The following CEP290 variants were observed in gnomAD, a reference collection of about 807,000 sequenced individuals.
The protein encoded by CEP290 is centrosomal protein of 290 kDa.
Under a neutral mutation model 344.9 loss-of-function variants are expected in CEP290, and 317 were observed. The observed-to-expected ratio is 0.92, with a 90% CI of 0.84 to 1.01. CEP290 has a LOEUF of 1.01. Ranked by LOEUF, CEP290 falls within the 50% of genes least tolerant of loss-of-function variation. The pLI is 0.00. For synonymous variants in CEP290, 932 were observed against 895.8 expected, an observed-to-expected ratio of 1.04 and a Z score of -0.72; for missense variants, 2,754 against 2,761.4, an observed-to-expected ratio of 1.00 and a Z score of 0.06.
intron 22 of CEP290, among the ~76,000 whole-genome samples, chr12:88,109,587 A>G (rs1377861297): frequency 1.3e-5 from 2 of 152,152 alleles, no homozygotes; most frequent in Non-Finnish European, 2.9e-5. Flanking sequence ...ACTCATTAAC[A>G]CTACACTTGG....
At chr12:88,107,463 C>A (rs1290620832) in intron 23 of CEP290, among the ~76,000 whole-genome samples, 1 of 151,778 alleles carries the variant, frequency 6.6e-6, no homozygotes, top group Non-Finnish European at 1.5e-5. Context: ...ACATTCTGAC[C>A]CCACTCTCAA....
chr12:88,087,479 G>A (rs1231246709), intron 32 of CEP290, among the ~76,000 whole-genome samples: 2 of 151,992 alleles, frequency 1.3e-5, no homozygotes, highest in African/African-American at 4.8e-5. Context: ...CCAGCACTTT[G>A]GGAGGCCGAG....
Position 88,089,466 on chromosome 12 carries a change from G to A in CEP290, c.3595C>T (p.Leu1199Phe). 2 of 1,552,994 alleles carry A rather than the reference G, an allele frequency of 1.3e-6. No individual in the cohort carries two copies. Among genetic ancestry groups the A allele is most frequent in the Non-Finnish European group, 8.7e-7 (1 of 1,147,168 alleles). Residue 1199 changes from leucine to phenylalanine, a missense_variant, in exon 31 of 54, where the codon CTC becomes TTC. By Grantham distance (22) the Leu-to-Phe change is conservative (BLOSUM62 0). Coordinates refer to ENST00000552810, the MANE Select transcript of CEP290 (RefSeq NM_025114.4). ...TTATGTTGGTGCAACTTGGCAATGA[G>A]CGACTTTTCATCAGACTGTGCCTGA... ...DYQAQSDEKS[L>F]IAKLHQHNVS...
intron 48 of CEP290, 134 bp downstream of exon 48, chr12:88,059,764 C>T: frequency 1.5e-6 from 1 of 670,828 alleles, no homozygotes; most frequent in South Asian, 2.5e-5. Context: ...TGACAGCAGG[C>T]ATAGAAACAC....
chr12:88,096,911 G>A lies in CEP290; in HGVS notation c.3080C>T (p.Ala1027Val). ...ACCTAATTTAGTTTCCTGTTCCCAG[G>A]CTTGTTCAATAGTGTGAAGTTTTTC... ...TKEKLHTIEQ[A>V]WEQETKLGNE... The change falls in exon 27 of 54, where the codon GCC (alanine) becomes GTC (valine). Residue 1027 changes from alanine to valine, a missense_variant. Transcript: ENST00000552810. 6.4e-7 allele frequency: 1 copy of A among 1,570,424 alleles called. No homozygotes were observed. Among genetic ancestry groups the A allele is most frequent in the East Asian group, 2.3e-5 (1 of 43,848 alleles).
intron 10 of CEP290, 39 bp downstream of exon 10, chr12:88,129,654 GA>G (rs1447421001): frequency 8.7e-7 from 1 of 1,147,088 alleles, no homozygotes; most frequent in South Asian, 1.5e-5. Context: ...GAGATAATAT[GA>G]AGTCTGAATA....
At chr12:88,106,642 A>G (rs1050365978) in intron 25 of CEP290, 33 bp downstream of exon 25, 4 of 1,446,168 alleles carry the variant, frequency 2.8e-6, no homozygotes, top group Middle Eastern at 1.8e-4. Context: ...AATTTTTCAT[A>G]GTCAGAAAAA....
At chr12:88,111,142 C>T (rs554856664) in intron 22 of CEP290, 60 bp downstream of exon 22, 4 of 934,222 alleles carry the variant, frequency 4.3e-6, no homozygotes, top group Admixed American at 8.1e-5. Flanking sequence ...AAACATACTA[C>T]CAATGATTTT....
intron 39 of CEP290, among the ~76,000 whole-genome samples, chr12:88,078,262 C>T (rs1405953851): frequency 2.0e-5 from 3 of 151,872 alleles, no homozygotes; most frequent in Non-Finnish European, 2.9e-5. Context: ...ACGTTTTAAA[C>T]ACTATGAAGC....
intron 23 of CEP290, among the ~76,000 whole-genome samples, chr12:88,108,488 T>C (rs1166258208): frequency 6.6e-6 from 1 of 152,228 alleles, no homozygotes; most frequent in African/African-American, 2.4e-5. Context: ...TTAGGTCAGA[T>C]AATAATTATT....
At chr12:88,062,078 C>A (rs1296738442) in intron 46 of CEP290, among the ~76,000 whole-genome samples, 1 of 152,142 alleles carries the variant, frequency 6.6e-6, no homozygotes, top group Non-Finnish European at 1.5e-5. Context: ...TGCCCCCGGC[C>A]TGTTCTGAAT....
At chr12:88,118,769 A>C (rs1294063880) in intron 15 of CEP290, 26 bp from the exon 16 acceptor site, 18 of 1,522,280 alleles carry the variant, frequency 1.2e-5, no homozygotes, top group Non-Finnish European at 1.6e-5. Flanking sequence ...ATATAATTAA[A>C]AACTTAAAAA....
At chr12:88,117,009 C>A in intron 18 of CEP290, 24 bp downstream of exon 18, 22 of 956,776 alleles carry the variant, frequency 2.3e-5, no homozygotes, top group South Asian at 3.0e-5. Context: ...TTCCTTTACT[C>A]TCTTTGCAAT....
intron 38 of CEP290, among the ~76,000 whole-genome samples, chr12:88,079,838 A>G (rs557589722): frequency 1.3e-5 from 2 of 152,218 alleles, no homozygotes; most frequent in East Asian, 1.9e-4. Context: ...AAAATTGTTC[A>G]TTTGTTAAAA....
At chr12:88,089,820 G>A (rs574812566) in intron 30 of CEP290, among the ~76,000 whole-genome samples, 96 of 148,042 alleles carry the variant, frequency 6.5e-4, no homozygotes, top group African/African-American at 2.2e-3. Context: ...TCCACCTCCC[G>A]GGTTCAAGCA....
chr12:88,128,619 T>C (rs1320076170), intron 11 of CEP290, among the ~76,000 whole-genome samples: 1 of 152,118 alleles, frequency 6.6e-6, no homozygotes, highest in Non-Finnish European at 1.5e-5. Context: ...CTAATGTATA[T>C]AAGGTAACTA....
At chr12:88,133,797 T>A (rs562309276) in intron 6 of CEP290, among the ~76,000 whole-genome samples, 1 of 152,356 alleles carries the variant, frequency 6.6e-6, no homozygotes, top group East Asian at 1.9e-4. Flanking sequence ...ATCATTATTA[T>A]TATCAATTGA....
At chr12:88,129,959 T>A in intron 9 of CEP290, 83 bp from the exon 10 acceptor site, 1 of 876,704 alleles carries the variant, frequency 1.1e-6, no homozygotes, top group South Asian at 2.0e-5. Flanking sequence ...AACGCAGCCA[T>A]AAGTGTCCTC....
At position 88,049,343 on chromosome 12, in the gene CEP290, A is replaced by C. The variant is rs1565775720; in HGVS notation, c.7281T>G (p.Leu2427=). ...DPSFFEEIED[L]KYNYKEEVKK... ...TCACTTCTTCCTTGTAATTATACTT[A>C]AGATCTTCAATTTCTTCAAAAAATG... Residue 2427 remains leucine, a synonymous_variant, in exon 54 of 54, where the codon CTT becomes CTG. Coordinates refer to ENST00000552810, the MANE Select transcript of CEP290 (RefSeq NM_025114.4). 1.3e-6 allele frequency: 2 copies of C among 1,580,192 alleles called. No homozygotes were observed. The highest frequency in any genetic ancestry group is 1.7e-6 in the Non-Finnish European group (2 of 1,158,766).
Sources: allele counts gnomAD v4.1 joint callset (sites outside exome capture counted in the v4.1 genomes callset), GRCh38; gene constraint gnomAD v4.1.1; transcripts MANE v1.5; gene names NCBI Gene and HGNC (gene_info 2026-07-23, HGNC 2026-07-21).